The following UGT2B4 variants were observed in gnomAD, a reference collection of about 807,000 sequenced individuals.
UGT2B4 encodes UDP-glucuronosyltransferase 2B4.
A neutral mutation model predicts 49.8 loss-of-function variants in UGT2B4; 49 were observed. The ratio of observed to expected loss-of-function variants is 0.98; its 90% CI spans 0.78 to 1.25. UGT2B4 has a LOEUF of 1.25. Among genes scored for constraint, UGT2B4 ranks in the 50% most tolerant of loss-of-function variants. The probability of loss-of-function intolerance (pLI) is 0.00; values close to 1 mark genes in which losing one functional copy is unlikely to be tolerated. For missense variants in UGT2B4, 729 were observed against 627.7 expected (o/e 1.16, Z -1.73); for synonymous variants, 246 against 217.7 (o/e 1.13, Z -1.14).
At chr4:69,502,091 C>CTCTCTCTTTCTTTCTTTCTT (rs1553896639) in intron 1 of UGT2B4, among the ~76,000 whole-genome samples, 1 of 108,418 alleles carries the variant, frequency 9.2e-6, no homozygotes, top group African/African-American at 3.4e-5. Context: ...TTCTTTCTCT[C>CTCTCTCTTTCTTTCTTTCTT]TCTTTCTTTC....
At chr4:69,489,268 A>T (rs903231462) in intron 3 of UGT2B4, among the ~76,000 whole-genome samples, 171 bp downstream of exon 3, 1 of 152,304 alleles carries the variant, frequency 6.6e-6, no homozygotes, top group African/African-American at 2.4e-5. Flanking sequence ...CACCTTCTGT[A>T]TGAGTTTATC....
At chr4:69,508,716 G>A (rs990180850) in intron 1 of UGT2B4, among the ~76,000 whole-genome samples, 3 of 152,118 alleles carry the variant, frequency 2.0e-5, no homozygotes, top group Admixed American at 6.6e-5. Context: ...GCTGAAGAGC[G>A]GGAGGAGGGA....
chr4:69,516,439 A>G (rs552567949), intron 1 of UGT2B4, among the ~76,000 whole-genome samples: 1 of 152,322 alleles, frequency 6.6e-6, no homozygotes, highest in African/African-American at 2.4e-5. Context: ...ACTAATTTAC[A>G]TTCCCACCAG....
upstream of UGT2B4, among the ~76,000 whole-genome samples, chr4:69,499,844 G>A (rs535231338): frequency 1.3e-5 from 2 of 152,024 alleles, no homozygotes; most frequent in South Asian, 2.1e-4. Flanking sequence ...TTTAATTGGG[G>A]CATTTAGCCC....
rs988556719 is a variant in UGT2B4 at position 69,485,325 on chromosome 4, T to C, written c.1193A>G (p.Asp398Gly). 3.1e-6 allele frequency: 5 copies of C among 1,613,964 alleles called. No individual in the cohort carries two copies. The African/African-American group carries it at 5.3e-5, about 17-fold the overall frequency. The change falls in exon 5 of 6, where the codon GAT becomes GGT. Residue 398 changes from aspartate to glycine, a missense_variant. Coordinates refer to ENST00000305107, the MANE Select transcript of UGT2B4 (RefSeq NM_021139.3). ...IPMVGVPLFA[D>G]QPDNIAHMKA... is the part of the protein sequence containing the mutation. ...CATGTGTGCAATGTTATCAGGTTGA[T>C]CTGCAAACAATGGAACGCCCACCAT... is the stretch of plus-strand genomic sequence containing the variant.
Position 69,485,274 on chromosome 4 carries a change from A to C in UGT2B4, c.1244T>G (p.Leu415Trp), listed in dbSNP as rs1727742449. 2 of 1,613,906 alleles carry C rather than the reference A, an allele frequency of 1.2e-6. No homozygotes were observed. Among genetic ancestry groups the C allele is most frequent in the African/African-American group, 2.7e-5 (2 of 74,902 alleles). ...TGTACTCGACATTGTGTGGAAGTCC[A>C]AACTAACAGCTGCTCCCTTGGCCTT... ...HMKAKGAAVS[L>W]DFHTMSSTDL... is the part of the protein sequence containing the mutation. The change falls in exon 5 of 6, where the codon TTG (leucine) becomes TGG (tryptophan). Residue 415 changes from leucine (L) to tryptophan (W), a missense_variant. Coordinates refer to ENST00000305107, the MANE Select transcript of UGT2B4 (RefSeq NM_021139.3).
chr4:69,515,045 G>A lies in UGT2B4; in HGVS notation c.-106+10642C>T, dbSNP rs556522289. On this transcript the variant is annotated intron_variant, in intron 1 of 1. Transcript: ENST00000510114. ...AAAGTACGTGTTAGAGACCTACAGA[G>A]AGTCTTAGATTCCCACACAATAATA... 1.1e-4 allele frequency among the ~76,000 whole-genome samples: 17 copies of A among 152,234 alleles called. No homozygotes were observed. In the East Asian group the frequency reaches 3.1e-3, roughly 28 times the overall value.
chr4:69,521,518 C>G (rs1728848911), intron 1 of UGT2B4, among the ~76,000 whole-genome samples: 1 of 152,190 alleles, frequency 6.6e-6, no homozygotes, highest in South Asian at 2.1e-4. Context: ...TGGAGCTGCC[C>G]ACCTCTCTGC....
At chr4:69,525,254 T>C (rs2109837205) in intron 1 of UGT2B4, among the ~76,000 whole-genome samples, 1 of 152,260 alleles carries the variant, frequency 6.6e-6, no homozygotes, top group Middle Eastern at 3.4e-3. Context: ...TTAAAATGTA[T>C]ATTAGTAGAC....
intron 3 of UGT2B4, among the ~76,000 whole-genome samples, chr4:69,487,465 C>CT (rs1727827154): frequency 6.6e-6 from 1 of 152,054 alleles, no homozygotes; most frequent in Non-Finnish European, 1.5e-5. Context: ...AGCTGCAGTC[C>CT]ATTATCCCTA....
intron 5 of UGT2B4, 31 bp from the exon 6 acceptor site, chr4:69,480,941 G>A: frequency 6.2e-7 from 1 of 1,605,270 alleles, no homozygotes; most frequent in Non-Finnish European, 8.5e-7. Flanking sequence ...TATCAACATT[G>A]AAAGTAAGTT....
Position 69,486,687 on chromosome 4 carries a change from T to C in UGT2B4, c.1012A>G (p.Arg338Gly). Residue 338 changes from arginine to glycine, a missense_variant, in exon 4 of 6, where the codon AGA becomes GGA. Coordinates refer to ENST00000305107, the MANE Select transcript of UGT2B4 (RefSeq NM_021139.3). ...LAKIPQKVLW[R>G]FDGNKPDTLG... ...GTATCTGGTTTATTCCCATCAAATC[T>C]CCACAGAACCTGTTACAGTGAAGAA... The C allele has an allele frequency of 1.2e-6, 2 of 1,605,420 alleles. No individual in the cohort carries two copies. Among genetic ancestry groups the C allele is most frequent in the Middle Eastern group, 1.7e-4 (1 of 6,014 alleles).
intron 1 of UGT2B4, among the ~76,000 whole-genome samples, chr4:69,502,150 T>TTTC (rs4048718): frequency 1.1e-5 from 1 of 89,804 alleles, no homozygotes; most frequent in African/African-American, 4.6e-5. Flanking sequence ...TCTTTCTTTC[T>TTTC]CTTTCTTTCT....
At chr4:69,514,834 G>C (rs1204938400) in intron 1 of UGT2B4, among the ~76,000 whole-genome samples, 1 of 152,074 alleles carries the variant, frequency 6.6e-6, no homozygotes, top group Non-Finnish European at 1.5e-5. Context: ...TTAAAATAAA[G>C]GGATGGAAGA....
intron 1 of UGT2B4, among the ~76,000 whole-genome samples, chr4:69,514,711 A>G (rs922522465): frequency 4.6e-5 from 7 of 152,136 alleles, no homozygotes; most frequent in African/African-American, 1.7e-4. Context: ...GGGTTTATTG[A>G]GTTAATCGTG....
At chr4:69,516,069 C>T (rs1370054022) in intron 1 of UGT2B4, among the ~76,000 whole-genome samples, 1 of 152,112 alleles carries the variant, frequency 6.6e-6, no homozygotes, top group Admixed American at 6.5e-5. Flanking sequence ...CGTTCAGCTC[C>T]CATTTATAAA....
chr4:69,514,832 A>C (rs2109830292), intron 1 of UGT2B4, among the ~76,000 whole-genome samples: 1 of 152,332 alleles, frequency 6.6e-6, no homozygotes, highest in Non-Finnish European at 1.5e-5. Context: ...GCTTAAAATA[A>C]AGGGATGGAA....
At position 69,495,357 on chromosome 4, in the gene UGT2B4, CA is replaced by C; in HGVS notation, c.504del (p.Phe168LeufsTer34). 6.2e-7 allele frequency: 1 copy of C among 1,613,762 alleles called. No homozygotes were observed. The highest frequency in any genetic ancestry group is 8.5e-7 in the Non-Finnish European group (1 of 1,179,924). On this transcript the variant is annotated frameshift_variant, in exon 1 of 6. Transcript: ENST00000305107. LOFTEE classifies it high-confidence loss of function. The part of the protein sequence containing the change: ...ELLAELLKIP[F>X]VYSLRFSPGY... ...CCAGGAGAGAAGCGGAGGCTGTAGA[CA>C]AAGGGTATTTTAAGTAACTCGGCCA...
chr4:69,522,884 A>G (rs530814280), intron 1 of UGT2B4, among the ~76,000 whole-genome samples: 1 of 152,298 alleles, frequency 6.6e-6, no homozygotes, highest in African/African-American at 2.4e-5. Flanking sequence ...AACATTCCAA[A>G]TACTTTGTTG....
Sources: allele counts gnomAD v4.1 joint callset (sites outside exome capture counted in the v4.1 genomes callset), GRCh38; gene constraint gnomAD v4.1.1; transcripts MANE v1.5; gene names NCBI Gene and HGNC (gene_info 2026-07-23, HGNC 2026-07-21).